The following HSPA14 variants were observed in gnomAD, a reference collection of about 807,000 sequenced individuals.
HSPA14 encodes the protein heat shock protein family A (Hsp70) member 14, also known as heat shock 70 kDa protein 14.
In HSPA14, 37 loss-of-function variants were observed where a neutral mutation model predicts 65.5. The observed-to-expected ratio is 0.56, with a 90% CI of 0.43 to 0.74. The LOEUF is 0.74. HSPA14 is among the 30% of genes least tolerant of loss of function. The pLI, the probability that HSPA14 is intolerant of heterozygous loss-of-function variation, is 0.00. For missense variants in HSPA14, 564 were observed against 607.6 expected (o/e 0.93, Z 0.75); for synonymous variants, 203 against 214.2 (o/e 0.95, Z 0.46).
intron 8 of HSPA14, 51 bp downstream of exon 8, chr10:14,852,582 A>G: frequency 4.3e-6 from 6 of 1,394,816 alleles, no homozygotes; most frequent in Non-Finnish European, 5.8e-6. Context: ...TTTCCTTCAC[A>G]TATTTTAATT....
At chr10:14,870,753 A>G (rs1832847196) in intron 13 of HSPA14, 86 bp downstream of exon 13, 2 of 1,215,766 alleles carry the variant, frequency 1.6e-6, no homozygotes, top group African/African-American at 1.6e-5. Context: ...ATTTATTGTC[A>G]TTCTAGAAGA....
intron 12 of HSPA14, among the ~76,000 whole-genome samples, chr10:14,868,834 A>G (rs1832829059): frequency 6.6e-6 from 1 of 152,164 alleles, no homozygotes; most frequent in Non-Finnish European, 1.5e-5. Context: ...ACAAAAAATA[A>G]TGTACTGTTT....
chr10:14,854,360 T>TTTTG (rs764392598), intron 9 of HSPA14, 80 bp downstream of exon 9: 25 of 1,197,486 alleles, frequency 2.1e-5, no homozygotes, highest in Non-Finnish European at 2.6e-5. Flanking sequence ...ACTTTGGGTT[T>TTTTG]TTTGTTTGTT....
At chr10:14,849,400 T>TCA (rs1834090359) in intron 5 of HSPA14, 2 of 508,718 alleles carry the variant, frequency 3.9e-6, no homozygotes, top group Non-Finnish European at 7.9e-6. Context: ...AGAACTAACA[T>TCA]TATGACGTTG....
chr10:14,850,418 A>G (rs1834099845), intron 6 of HSPA14, among the ~76,000 whole-genome samples: 3 of 152,258 alleles, frequency 2.0e-5, no homozygotes, highest in South Asian at 2.1e-4. Flanking sequence ...TGTAGGAATT[A>G]CATGTGCAGT....
At chr10:14,839,529 A>C (rs1020928955) in intron 1 of HSPA14, among the ~76,000 whole-genome samples, 8 of 151,534 alleles carry the variant, frequency 5.3e-5, no homozygotes, top group Non-Finnish European at 1.2e-4. Flanking sequence ...CTGGCACTGC[A>C]GTCTGCACTC....
chr10:14,844,488 G>T (rs929266768), intron 3 of HSPA14: 1 of 754,690 alleles, frequency 1.3e-6, no homozygotes. Context: ...CTCATTAGAC[G>T]ACTATAAGCA....
intron 9 of HSPA14, among the ~76,000 whole-genome samples, 183 bp downstream of exon 9, chr10:14,854,463 A>G (rs1470486534): frequency 6.6e-6 from 1 of 152,152 alleles, no homozygotes; most frequent in East Asian, 1.9e-4. Context: ...TAATTACATA[A>G]GTTGTGATTG....
intron 10 of HSPA14, among the ~76,000 whole-genome samples, chr10:14,862,337 T>C (rs1049714740): frequency 8.1e-5 from 12 of 149,004 alleles, no homozygotes; most frequent in Non-Finnish European, 1.3e-4. Context: ...CCCAAGAAAA[T>C]AGATTTTATC....
At chr10:14,843,804 T>A in intron 3 of HSPA14, 1 of 1,536,314 alleles carries the variant, frequency 6.5e-7, no homozygotes, top group South Asian at 1.2e-5. Flanking sequence ...CAGTCAGACG[T>A]TTGGCAACAG....
intron 7 of HSPA14, among the ~76,000 whole-genome samples, chr10:14,852,151 T>C (rs1834113035): frequency 6.6e-6 from 1 of 152,230 alleles, no homozygotes; most frequent in African/African-American, 2.4e-5. Flanking sequence ...AATACAGTTG[T>C]ATCCACATGA....
intron 10 of HSPA14, among the ~76,000 whole-genome samples, chr10:14,862,475 C>T (rs914075700): frequency 2.0e-5 from 3 of 149,616 alleles, no homozygotes; most frequent in South Asian, 2.1e-4. Context: ...CCCAGGTTCA[C>T]GCTATTCTCC....
chr10:14,839,571 CAAA>C (rs755617483), intron 1 of HSPA14, among the ~76,000 whole-genome samples: 4 of 79,740 alleles, frequency 5.0e-5, no homozygotes, highest in Non-Finnish European at 3.1e-5. Flanking sequence ...ACTCCGTGTC[CAAA>C]AAAAAAAAAA....
intron 3 of HSPA14, chr10:14,843,300 C>T (rs571563131): frequency 3.3e-6 from 5 of 1,533,174 alleles, no homozygotes; most frequent in Non-Finnish European, 3.5e-6. Flanking sequence ...TTTGTCTCAG[C>T]TCTGCTGCTG....
intron 13 of HSPA14, 83 bp downstream of exon 13, chr10:14,870,750 G>A: frequency 8.0e-7 from 1 of 1,243,722 alleles, no homozygotes; most frequent in Non-Finnish European, 1.1e-6. Context: ...TTTATTTATT[G>A]TCATTCTAGA....
chr10:14,839,867 G>C (rs537188511), intron 1 of HSPA14, 38 bp from the exon 2 acceptor site: 18 of 1,501,530 alleles, frequency 1.2e-5, no homozygotes, highest in Non-Finnish European at 1.7e-5. Flanking sequence ...GTCTGAATAC[G>C]TCTAATGAGA....
At chr10:14,843,737 A>T in intron 3 of HSPA14, 1 of 1,537,000 alleles carries the variant, frequency 6.5e-7, no homozygotes. Context: ...GCTATTGGTG[A>T]GGAGGCCAGT....
chr10:14,842,594 A>G lies in HSPA14; in HGVS notation c.221+2437A>G. 1 of 1,536,214 alleles carries G rather than the reference A, an allele frequency of 6.5e-7. No individual in the cohort carries two copies. The stretch of plus-strand genomic sequence containing the variant: ...GTTGGATCAGCTTCTCCGAAATCAG[A>G]TAGTGACTGACCCAGACAACTTAAT... On this transcript the variant is annotated intron_variant, in intron 3 of 13. Coordinates refer to ENST00000378372, the MANE Select transcript of HSPA14 (RefSeq NM_016299.4). The surrounding 1 kb of genome is among the most constrained non-coding windows in gnomAD (Gnocchi z 5.2).
intron 12 of HSPA14, 145 bp downstream of exon 12, chr10:14,868,054 A>C: frequency 1.6e-6 from 1 of 644,016 alleles, no homozygotes; most frequent in South Asian, 2.6e-5. Context: ...CTCATTTCTG[A>C]AAATGAACAC....
Sources: allele counts gnomAD v4.1 joint callset (sites outside exome capture counted in the v4.1 genomes callset), GRCh38; gene constraint gnomAD v4.1.1; non-coding constraint Gnocchi (gnomAD v3.1); transcripts MANE v1.5; gene names NCBI Gene and HGNC (gene_info 2026-07-23, HGNC 2026-07-21).